Variants in TMEM44 observed in about 807,000 individuals in gnomAD.
The protein encoded by TMEM44 is transmembrane protein 44.
TMEM44 carries 43 observed loss-of-function variants against 47.8 expected under a neutral mutation model. The observed-to-expected ratio is 0.90, with a 90% CI of 0.70 to 1.16. TMEM44 has a LOEUF of 1.16. Among genes scored for constraint, TMEM44 ranks in the 50% most tolerant of loss-of-function variants. The pLI is 0.00. For missense variants in TMEM44, 568 were observed against 555.2 expected (o/e 1.02, Z -0.23); for synonymous variants, 277 against 238.8 (o/e 1.16, Z -1.48).
In TMEM44 at chr3:194,633,210, C is replaced by A; in HGVS notation, c.6G>T (p.Gly2=). 2.1e-6 allele frequency: 3 copies of A among 1,434,570 alleles called. No homozygotes were observed. The highest frequency in any genetic ancestry group is 2.7e-6 in the Non-Finnish European group (3 of 1,093,516). The allele number at this position is 1,434,570 out of a possible 1,614,324, so 88.9% of individuals were successfully genotyped here. The change falls in exon 1 of 10, where the codon GGG becomes GGT. Residue 2 remains glycine, a synonymous_variant. Coordinates refer to ENST00000347147, the MANE Select transcript of TMEM44 (RefSeq NM_001011655.3). ...GCGCGGGCGCGGGGCTGGGCGCCTC[C>A]CCCATGGCGCGGCTGGGCGCGCGGC... The part of the protein sequence containing the change: M[G]EAPSPAPALW...
chr3:194,626,722 C>T (rs1629960), intron 2 of TMEM44, among the ~76,000 whole-genome samples: 109,719 of 138,306 alleles, frequency 0.79, 43,828 homozygotes, highest in East Asian at 0.97. Flanking sequence ...CTCGCTCTGT[C>T]ACCCAGGCTG....
chr3:194,630,040 G>A (rs1190045346), intron 1 of TMEM44, among the ~76,000 whole-genome samples: 13 of 94,540 alleles, frequency 1.4e-4, no homozygotes, highest in South Asian at 5.8e-4. Context: ...TTCCATCGGC[G>A]TCACTGATAG....
At position 194,589,885 on chromosome 3, in the gene TMEM44, C is replaced by G. The variant is rs548014512; in HGVS notation, c.1177-1246G>C. ...CCATGTGTATGCTGTGGTATTGGAT[C>G]AGCAACGAGATAAGAAGATCTCTCC... On this transcript the variant is annotated intron_variant, in intron 9 of 9. Coordinates refer to ENST00000347147, the MANE Select transcript of TMEM44 (RefSeq NM_001011655.3). The G allele has an allele frequency of 2.0e-5, 3 of 152,092 alleles. No homozygotes were observed. In the South Asian group the frequency reaches 6.2e-4, roughly 32 times the overall value. 9.4% of individuals were successfully genotyped at this position (152,092 alleles called of 1,614,324 possible).
At chr3:194,595,384 A>G (rs1387851095) in intron 9 of TMEM44, among the ~76,000 whole-genome samples, 1 of 152,198 alleles carries the variant, frequency 6.6e-6, no homozygotes, top group Non-Finnish European at 1.5e-5. Flanking sequence ...TGTTTCTTTA[A>G]TTCTGGAAGA....
At chr3:194,605,572 A>C (rs1252693506) in intron 8 of TMEM44, among the ~76,000 whole-genome samples, 1 of 152,138 alleles carries the variant, frequency 6.6e-6, no homozygotes, top group African/African-American at 2.4e-5. Flanking sequence ...CCTCTTTATA[A>C]AACCATCAGA....
intron 9 of TMEM44, chr3:194,589,484 G>A (rs1330048734): frequency 1.3e-5 from 2 of 152,124 alleles, no homozygotes; most frequent in East Asian, 3.9e-4. Context: ...GTAGATGATG[G>A]GCTCCACGGG....
chr3:194,592,677 G>A (rs1157999373), intron 9 of TMEM44, among the ~76,000 whole-genome samples: 2 of 151,782 alleles, frequency 1.3e-5, no homozygotes, highest in African/African-American at 4.8e-5. Context: ...GTGCAATGGT[G>A]CAATCTCGGC....
At chr3:194,588,888 A>C (rs1577134317) in intron 9 of TMEM44, 7 of 505,406 alleles carry the variant, frequency 1.4e-5, no homozygotes, top group Non-Finnish European at 2.1e-5. Flanking sequence ...TCCCGCCCTC[A>C]TTCTCCACTC....
At chr3:194,608,856 T>C (rs905379746) in intron 8 of TMEM44, among the ~76,000 whole-genome samples, 4 of 152,080 alleles carry the variant, frequency 2.6e-5, no homozygotes, top group African/African-American at 9.7e-5. Context: ...CAGAGGAGTG[T>C]TTTAAACAAA....
chr3:194,596,994 C>T (rs1270838475), intron 9 of TMEM44: 1 of 151,980 alleles, frequency 6.6e-6, no homozygotes, highest in African/African-American at 2.4e-5. Context: ...AATAGGAACA[C>T]ACGGGCCTGG....
At chr3:194,623,853 G>A (rs1042449529) in intron 3 of TMEM44, among the ~76,000 whole-genome samples, 158 bp from the exon 4 acceptor site, 1 of 152,196 alleles carries the variant, frequency 6.6e-6, no homozygotes, top group Non-Finnish European at 1.5e-5. Context: ...TCAGGGCCCT[G>A]TAGTTGTGCC....
chr3:194,633,073 C>T lies in TMEM44; in HGVS notation c.137+6G>A, dbSNP rs1486949145. The T allele has an allele frequency of 6.9e-7, 1 of 1,449,780 alleles. No individual in the cohort carries two copies. The highest frequency in any genetic ancestry group is 1.2e-5 in the South Asian group (1 of 81,698). The allele number at this position is 1,449,780 out of a possible 1,614,324, so 89.8% of individuals were successfully genotyped here. Reference sequence around the variant, plus strand: ...CCGACAGCCCCCCGACCCGTGGCCCCATTACAGCGCGTGGGCGGCGATCCA... The same window carrying T: ...CCGACAGCCCCCCGACCCGTGGCCCTATTACAGCGCGTGGGCGGCGATCCA... On this transcript the variant is annotated splice_donor_region_variant and intron_variant, in intron 1 of 9. Coordinates refer to ENST00000347147, the MANE Select transcript of TMEM44 (RefSeq NM_001011655.3).
At chr3:194,607,974 T>C (rs1227331748) in intron 8 of TMEM44, among the ~76,000 whole-genome samples, 3 of 152,218 alleles carry the variant, frequency 2.0e-5, no homozygotes, top group Non-Finnish European at 2.9e-5. Context: ...TCTTCTTTCA[T>C]GGAGTCTGTT....
intron 7 of TMEM44, among the ~76,000 whole-genome samples, chr3:194,614,046 C>A (rs1260379893): frequency 6.6e-6 from 1 of 151,812 alleles, no homozygotes; most frequent in Non-Finnish European, 1.5e-5. Context: ...CGCTTGAACC[C>A]GGGAGGCGGA....
chr3:194,610,863 C>G, intron 8 of TMEM44, 53 bp downstream of exon 8: 1 of 1,505,460 alleles, frequency 6.6e-7, no homozygotes, highest in East Asian at 2.3e-5. Context: ...GGAAGCCTTC[C>G]ATGACTGCTT....
intron 1 of TMEM44, among the ~76,000 whole-genome samples, chr3:194,632,741 C>T (rs146010148): frequency 0.02 from 3,053 of 152,272 alleles, 46 homozygotes; most frequent in South Asian, 0.036. Flanking sequence ...TATCTCCGGT[C>T]ATAGGAGGCC....
At chr3:194,594,149 A>ATCTGTCTGTCTGTCTGTCTGTCTGTCTG (rs1184806177) in intron 9 of TMEM44, among the ~76,000 whole-genome samples, 6 of 98,672 alleles carry the variant, frequency 6.1e-5, no homozygotes, top group Non-Finnish European at 1.7e-4. Context: ...CTATCTATCT[A>ATCTGTCTGTCTGTCTGTCTGTCTGTCTG]TCTATCTATC....
At chr3:194,627,059 C>T (rs1265504256) in intron 2 of TMEM44, among the ~76,000 whole-genome samples, 1 of 152,136 alleles carries the variant, frequency 6.6e-6, no homozygotes, top group Non-Finnish European at 1.5e-5. Flanking sequence ...GTAGCTGGGA[C>T]TACAGGCACG....
intron 6 of TMEM44, among the ~76,000 whole-genome samples, chr3:194,616,058 C>CT (rs1226008321): frequency 2.8e-4 from 41 of 147,744 alleles, no homozygotes; most frequent in South Asian, 8.6e-4. Context: ...ATGTGACCCC[C>CT]TTTTTTTTTT....
Sources: allele counts gnomAD v4.1 joint callset (sites outside exome capture counted in the v4.1 genomes callset), GRCh38; gene constraint gnomAD v4.1.1; transcripts MANE v1.5; gene names NCBI Gene and HGNC (gene_info 2026-07-23, HGNC 2026-07-21).